GDF3: variants seen among roughly 807,000 people sequenced by gnomAD.
The protein encoded by GDF3 is growth differentiation factor 3, also known as growth/differentiation factor 3.
A neutral mutation model predicts 10.2 loss-of-function variants in GDF3; 10 were observed. That is an observed-to-expected ratio of 0.98 (90% CI 0.60 to 1.66). The LOEUF (loss-of-function observed/expected upper bound fraction) is 1.66. Among genes scored for constraint, GDF3 ranks in the 40% most tolerant of loss-of-function variants. The pLI is 0.00. For synonymous variants in GDF3, 166 were observed against 178.5 expected, an observed-to-expected ratio of 0.93 and a Z score of 0.56; for missense variants, 450 against 438.3, an observed-to-expected ratio of 1.03 and a Z score of -0.24.
rs766154682 is a variant in GDF3, at chr12:7,695,478, C to A, written c.251G>T (p.Arg84Leu). The change falls in exon 1 of 2, where the codon CGC becomes CTC. Residue 84 changes from arginine (R) to leucine (L), a missense_variant. Transcript: ENST00000329913. ...KELGVRGNVLRFLPDQGFFLY... is the reference protein window; with the variant it reads ...KELGVRGNVLLFLPDQGFFLY... ...TTCCTTACCTTGGTCTGGGAGAAAGCGAAGTACATTCCCGCGGACGCCCAG... is the reference window on the plus strand; with the variant it reads ...TTCCTTACCTTGGTCTGGGAGAAAGAGAAGTACATTCCCGCGGACGCCCAG... 3 of 1,613,980 alleles carry A rather than the reference C, an allele frequency of 1.9e-6. No individual in the cohort carries two copies. The highest frequency in any genetic ancestry group is 2.5e-6 in the Non-Finnish European group (3 of 1,179,952).
chr12:7,694,210 G>A (rs778398410), intron 1 of GDF3, among the ~76,000 whole-genome samples: 2 of 152,202 alleles, frequency 1.3e-5, no homozygotes, highest in African/African-American at 4.8e-5. Flanking sequence ...AACTCTTGCA[G>A]AATTTTGCAG....
At chr12:7,692,487 C>T (rs184849508) in intron 1 of GDF3, among the ~76,000 whole-genome samples, 1 of 149,686 alleles carries the variant, frequency 6.7e-6, no homozygotes, top group East Asian at 2.0e-4. Flanking sequence ...TGGCCAAAGT[C>T]CAATCATTCA....
chr12:7,690,302 C>T lies in GDF3; in HGVS notation c.671G>A (p.Arg224Lys). The stretch of plus-strand genomic sequence containing the variant: ...GGAAGCATGAAGGGAGCATCTTAGT[C>T]TGGCACAGGTGTCTTCAGGCTGAAA... ...VNFQPEDTCA[R>K]LRCSLHASLL... The change falls in exon 2 of 2, where the codon AGA (arginine) becomes AAA (lysine). Residue 224 changes from arginine (R) to lysine (K), a missense_variant. Arg to Lys is a conservative substitution (Grantham distance 26). Transcript: ENST00000329913. The T allele has an allele frequency of 2.5e-6, 4 of 1,614,154 alleles. No homozygotes were observed. Among genetic ancestry groups the T allele is most frequent in the African/African-American group, 1.3e-5 (1 of 75,050 alleles).
Position 7,690,338 on chromosome 12 carries a change from G to A in GDF3, c.635C>T (p.Ser212Leu), listed in dbSNP as rs372790667. Residue 212 changes from serine (S) to leucine (L), a missense_variant, in exon 2 of 2, where the codon TCA (serine) becomes TTA (leucine). By Grantham distance (145) the Ser-to-Leu change is moderately radical. Transcript: ENST00000329913. ...GTCTTCAGGCTGAAAATTCACCCCT[G>A]AGTCTCTATCTTCTTTGACCAGTAT... The part of the protein sequence containing the change: ...LEILVKEDRD[S>L]GVNFQPEDTC... The A allele has an allele frequency of 8.0e-5, 129 of 1,614,036 alleles. No individual in the cohort carries two copies. In the East Asian group the frequency reaches 1.7e-3, roughly 22 times the overall value.
chr12:7,690,406 AT>A lies in GDF3; in HGVS notation c.566del (p.Asp189ValfsTer26), dbSNP rs1565448864. ...VHFNLLDVAK[D>X]WNDNPRKNFG... ...AATTTTTCCGGGGGTTGTCATTCCA[AT>A]CCTTAGCTACATCCAGCAGGTTGAA... On this transcript the variant is annotated frameshift_variant, in exon 2 of 2. Transcript: ENST00000329913. LOFTEE classifies it low-confidence loss of function (END_TRUNC). 9.3e-6 allele frequency: 15 copies of A among 1,614,114 alleles called. No homozygotes were observed. Among genetic ancestry groups the A allele is most frequent in the Non-Finnish European group, 1.3e-5 (15 of 1,180,038 alleles).
At chr12:7,692,596 G>A (rs938294233) in intron 1 of GDF3, among the ~76,000 whole-genome samples, 33 of 149,978 alleles carry the variant, frequency 2.2e-4, no homozygotes, top group Non-Finnish European at 3.5e-4. Flanking sequence ...TGCAACCTCC[G>A]TCTCTCGGGT....
At chr12:7,695,292 T>G (rs948891721) in intron 1 of GDF3, among the ~76,000 whole-genome samples, 169 bp downstream of exon 1, 1 of 152,232 alleles carries the variant, frequency 6.6e-6, no homozygotes, top group Non-Finnish European at 1.5e-5. Flanking sequence ...TGTTAGGAAC[T>G]TGATAAGAAT....
intron 1 of GDF3, among the ~76,000 whole-genome samples, chr12:7,691,973 C>T (rs1398679739): frequency 6.6e-6 from 1 of 151,452 alleles, no homozygotes; most frequent in Non-Finnish European, 1.5e-5. Flanking sequence ...CGCCACTGCA[C>T]TCCAGCCTGG....
Position 7,690,280 on chromosome 12 carries a change from A to T in GDF3, c.693T>A (p.Ala231=). 6.2e-7 allele frequency: 1 copy of T among 1,614,170 alleles called. No homozygotes were observed. The highest frequency in any genetic ancestry group is 8.5e-7 in the Non-Finnish European group (1 of 1,180,034). ...GGTTGAGAGTCACCACCAGCAGGGA[A>T]GCATGAAGGGAGCATCTTAGTCTGG... ...TCARLRCSLH[A]SLLVVTLNPD... is the part of the protein sequence containing the mutation. Residue 231 remains alanine (A), a synonymous_variant, in exon 2 of 2, where the codon GCT becomes GCA. Coordinates refer to ENST00000329913, the MANE Select transcript of GDF3 (RefSeq NM_020634.3).
chr12:7,693,694 C>T (rs1424356545), intron 1 of GDF3, among the ~76,000 whole-genome samples: 3 of 151,330 alleles, frequency 2.0e-5, no homozygotes, highest in South Asian at 2.1e-4. Context: ...TGCCTATAAT[C>T]CCAGCACTTT....
intron 1 of GDF3, among the ~76,000 whole-genome samples, chr12:7,691,962 A>G (rs1348393566): frequency 2.0e-5 from 3 of 151,942 alleles, no homozygotes; most frequent in East Asian, 1.9e-4. Context: ...AGCCAAGATC[A>G]CGCCACTGCA....
intron 1 of GDF3, among the ~76,000 whole-genome samples, chr12:7,690,985 A>G (rs1864124047): frequency 6.6e-6 from 1 of 152,178 alleles, no homozygotes; most frequent in East Asian, 1.9e-4. Flanking sequence ...CCCCGTCTCT[A>G]CTAAAAATAC....
At chr12:7,691,813 C>T (rs1488582744) in intron 1 of GDF3, among the ~76,000 whole-genome samples, 1 of 150,238 alleles carries the variant, frequency 6.7e-6, no homozygotes, top group African/African-American at 2.4e-5. Flanking sequence ...CGAGACCATC[C>T]TGGCTAACAC....
At chr12:7,693,421 G>T (rs1864152155) in intron 1 of GDF3, among the ~76,000 whole-genome samples, 1 of 146,238 alleles carries the variant, frequency 6.8e-6, no homozygotes. Flanking sequence ...GGGGTCAGGG[G>T]AGTGGGGGGA....
rs896915195 is a variant in GDF3 at position 7,691,029 on chromosome 12, A to G, written c.269-325T>C. Among the ~76,000 whole-genome samples, 3 of 152,090 alleles carry G rather than the reference A, an allele frequency of 2.0e-5. No individual in the cohort carries two copies. In the East Asian group the frequency reaches 5.8e-4, roughly 29 times the overall value. On this transcript the variant is annotated intron_variant, in intron 1 of 1. Transcript: ENST00000329913. ...GCCAGGCGTGGTGGCGGGCGCCTGT[A>G]GTCCCAGCTACTCAGGAGGCTGAGG...
At chr12:7,694,179 A>ACAGG (rs1446309811) in intron 1 of GDF3, among the ~76,000 whole-genome samples, 1 of 151,940 alleles carries the variant, frequency 6.6e-6, no homozygotes, top group Non-Finnish European at 1.5e-5. Context: ...CAGGGTCAGA[A>ACAGG]CAGGCAGGGC....
At chr12:7,694,356 A>G (rs985010191) in intron 1 of GDF3, among the ~76,000 whole-genome samples, 1 of 152,106 alleles carries the variant, frequency 6.6e-6, no homozygotes, top group Non-Finnish European at 1.5e-5. Flanking sequence ...TGAAGTCAGG[A>G]GTTCAAGACC....
Position 7,690,134 on chromosome 12 carries a change from T to A in GDF3, c.839A>T (p.Lys280Met). Reference protein sequence around the residue: ...FINFRDLGWHKWIIAPKGFMA... With the variant: ...FINFRDLGWHMWIIAPKGFMA... Reference sequence around the variant, plus strand: ...GAACCCCTTGGGGGCAATGATCCACTTGTGCCAACCCAGGTCCCGGAAGTT... The same window carrying A: ...GAACCCCTTGGGGGCAATGATCCACATGTGCCAACCCAGGTCCCGGAAGTT... The change falls in exon 2 of 2, where the codon AAG (lysine) becomes ATG (methionine). Residue 280 changes from lysine (K) to methionine (M), a missense_variant. Lys to Met is a moderately conservative substitution (Grantham distance 95). Coordinates refer to ENST00000329913, the MANE Select transcript of GDF3 (RefSeq NM_020634.3). The A allele has an allele frequency of 6.2e-7, 1 of 1,614,118 alleles. No individual in the cohort carries two copies. Among genetic ancestry groups the A allele is most frequent in the Non-Finnish European group, 8.5e-7 (1 of 1,180,014 alleles).
intron 1 of GDF3, among the ~76,000 whole-genome samples, chr12:7,691,068 T>C (rs1864125006): frequency 6.6e-6 from 1 of 151,108 alleles, no homozygotes; most frequent in Non-Finnish European, 1.5e-5. Context: ...GAGAATGGCG[T>C]GAACCCGGGA....
Sources: allele counts gnomAD v4.1 joint callset (sites outside exome capture counted in the v4.1 genomes callset), GRCh38; gene constraint gnomAD v4.1.1; transcripts MANE v1.5; gene names NCBI Gene and HGNC (gene_info 2026-07-23, HGNC 2026-07-21).